EFHC2: variants seen among roughly 807,000 people sequenced by gnomAD.
The protein encoded by EFHC2 is EF-hand domain containing 2, also known as EF-hand domain-containing family member C2.
A neutral mutation model predicts 52.7 loss-of-function variants in EFHC2; 18 were observed. The ratio of observed to expected loss-of-function variants is 0.34; its 90% CI spans 0.24 to 0.51. EFHC2 has a LOEUF of 0.51. Among genes scored for constraint, EFHC2 ranks in the 20% least tolerant of loss-of-function variants. EFHC2 has a pLI of 0.97. For synonymous variants in EFHC2, 203 were observed against 204.1 expected, an observed-to-expected ratio of 0.99 and a Z score of 0.04; for missense variants, 513 against 562.5, an observed-to-expected ratio of 0.91 and a Z score of 0.89.
intron 14 of EFHC2, among the ~76,000 whole-genome samples, 163 bp from the exon 15 acceptor site, chrX:44,149,059 T>C (rs941163974): frequency 8.9e-6 from 1 of 112,293 alleles, no homozygotes; most frequent in Non-Finnish European, 1.9e-5. Context: ...CTTCATTCCC[T>C]CCCTGTATAA....
intron 7 of EFHC2, among the ~76,000 whole-genome samples, chrX:44,244,165 CA>C (rs2037381952): frequency 8.9e-6 from 1 of 112,021 alleles, no homozygotes; most frequent in African/African-American, 3.2e-5. Context: ...ATTTAAGTAA[CA>C]AAAGAACCAA....
intron 1 of EFHC2, among the ~76,000 whole-genome samples, chrX:44,314,189 A>G (rs990839507): frequency 8.9e-6 from 1 of 112,137 alleles, no homozygotes; most frequent in South Asian, 3.7e-4. Context: ...TGCATAAAAA[A>G]TAAATACCTC....
At position 44,198,745 on chromosome X, in the gene EFHC2, A is replaced by G. The variant is rs192118498; in HGVS notation, c.1752-20181T>C. On this transcript the variant is annotated intron_variant, in intron 11 of 14. Coordinates refer to ENST00000420999, the MANE Select transcript of EFHC2 (RefSeq NM_025184.4). ...AACCCTTTAGCAGGTAAGAGCTTAG[A>G]TTTTTTAACACTCACCAGGGCACAA... 2.2e-4 allele frequency among the ~76,000 whole-genome samples: 24 copies of G among 111,122 alleles called. No individual in the cohort carries two copies. In the East Asian group the frequency reaches 6.8e-3, roughly 32 times the overall value.
At chrX:44,314,076 C>T (rs911813197) in intron 1 of EFHC2, among the ~76,000 whole-genome samples, 3 of 111,989 alleles carry the variant, frequency 2.7e-5, no homozygotes, top group Admixed American at 1.9e-4. Flanking sequence ...TCGAAAAATA[C>T]GGTAATATTT....
rs1426228221 is a variant in EFHC2, at chrX:44,310,062, C to A, written c.231+2506G>T. 52 of 773,975 alleles carry A rather than the reference C, an allele frequency of 6.7e-5. No homozygotes were observed. The East Asian group carries it at 1.6e-3, about 23-fold the overall frequency. 63.8% of individuals were successfully genotyped at this position (773,975 alleles called of 1,213,427 possible). ...CTCCACCAAATTTTCATTTATTATG[C>A]CATCACTTGCTGCAAAGAAAACCAG... On this transcript the variant is annotated intron_variant, in intron 2 of 14. Transcript: ENST00000420999.
intron 4 of EFHC2, among the ~76,000 whole-genome samples, chrX:44,258,003 T>G (rs1186234756): frequency 9.0e-6 from 1 of 111,660 alleles, no homozygotes; most frequent in Admixed American, 9.5e-5. Flanking sequence ...CAACTGATCT[T>G]TGACAAACCT....
chrX:44,304,487 T>G (rs961488084), intron 2 of EFHC2, among the ~76,000 whole-genome samples: 3 of 111,763 alleles, frequency 2.7e-5, no homozygotes, highest in African/African-American at 9.8e-5. Context: ...TGATTCTTCA[T>G]TTATATGATG....
chrX:44,243,353 T>C (rs888849680), intron 7 of EFHC2, among the ~76,000 whole-genome samples: 1 of 112,338 alleles, frequency 8.9e-6, no homozygotes, highest in Non-Finnish European at 1.9e-5. Flanking sequence ...TGAAAGGAGT[T>C]CTACATAAGC....
At chrX:44,170,121 T>G (rs1022324234) in intron 13 of EFHC2, among the ~76,000 whole-genome samples, 7 of 111,483 alleles carry the variant, frequency 6.3e-5, no homozygotes, top group African/African-American at 2.3e-4. Context: ...AAGAAAATTT[T>G]AAGGAGTGTA....
chrX:44,187,715 A>G, intron 11 of EFHC2, among the ~76,000 whole-genome samples: 1 of 111,115 alleles, frequency 9.0e-6, no homozygotes. Flanking sequence ...GCTTGAGTCC[A>G]GGAGTTTGAG....
intron 11 of EFHC2, among the ~76,000 whole-genome samples, chrX:44,211,866 CAAAAAAA>C (rs1164155147): frequency 2.0e-5 from 1 of 50,444 alleles, no homozygotes; most frequent in African/African-American, 6.8e-5. Flanking sequence ...GACTCCCTCT[CAAAAAAA>C]AAAAAAAAAA....
At chrX:44,250,086 A>ATGGTTTTTAG in intron 5 of EFHC2, 108 bp downstream of exon 5, 1 of 946,335 alleles carries the variant, frequency 1.1e-6, no homozygotes, top group Non-Finnish European at 1.4e-6. Context: ...AAATACCTGC[A>ATGGTTTTTAG]CTAGTGCATG....
intron 7 of EFHC2, among the ~76,000 whole-genome samples, chrX:44,247,640 G>A (rs2037410522): frequency 1.8e-5 from 2 of 111,094 alleles, no homozygotes; most frequent in African/African-American, 6.6e-5. Context: ...CTCATAACAC[G>A]GTGTCACTCG....
intron 2 of EFHC2, among the ~76,000 whole-genome samples, chrX:44,292,975 C>CT (rs370747140): frequency 0.014 from 1,316 of 94,148 alleles, 24 homozygotes; most frequent in African/African-American, 0.037. Flanking sequence ...TCCTTTCTTT[C>CT]TTTTTTTTTT....
At position 44,296,178 on chromosome X, in the gene EFHC2, G is replaced by A. The variant is rs1035039479; in HGVS notation, c.231+16390C>T. Among the ~76,000 whole-genome samples the A allele has an allele frequency of 3.6e-5, 4 of 111,237 alleles. No homozygotes were observed. The Admixed American group carries it at 3.8e-4, about 11-fold the overall frequency. ...GGATGGAGGTGGAGAAAAGTGGAGT[G>A]AGCAAAGACAAATTTTTGTTTAGCA... On this transcript the variant is annotated intron_variant, in intron 2 of 14. Coordinates refer to ENST00000420999, the MANE Select transcript of EFHC2 (RefSeq NM_025184.4).
chrX:44,148,793 G>A lies in EFHC2; in HGVS notation c.*2C>T, dbSNP rs1050875891. The A allele has an allele frequency of 5.1e-6, 6 of 1,171,581 alleles. No homozygotes were observed. The African/African-American group carries it at 1.1e-4, about 21-fold the overall frequency. On this transcript the variant is annotated 3_prime_UTR_variant, in exon 15 of 15. Coordinates refer to ENST00000420999, the MANE Select transcript of EFHC2 (RefSeq NM_025184.4). The stretch of plus-strand genomic sequence containing the variant: ...ATAGAGAATTGACCAAAACTGGCAT[G>A]GTTATTCCTCCTCTAAGCCAAACGC...
intron 2 of EFHC2, among the ~76,000 whole-genome samples, chrX:44,301,103 CTA>C (rs2037865433): frequency 1.1e-5 from 1 of 91,264 alleles, no homozygotes; most frequent in African/African-American, 4.1e-5. Flanking sequence ...GAGTGAGACT[CTA>C]TCTCAAAAAA....
intron 13 of EFHC2, among the ~76,000 whole-genome samples, chrX:44,168,083 T>C (rs1008637809): frequency 2.7e-5 from 3 of 111,567 alleles, no homozygotes; most frequent in African/African-American, 9.8e-5. Context: ...GAAGAGAAGC[T>C]GAACCCTAAA....
intron 11 of EFHC2, among the ~76,000 whole-genome samples, chrX:44,183,802 G>T (rs1039452085): frequency 1.8e-5 from 2 of 111,564 alleles, no homozygotes; most frequent in South Asian, 3.8e-4. Flanking sequence ...CAGAAAAGGA[G>T]AAAAAAGGGG....
Sources: allele counts gnomAD v4.1 joint callset (sites outside exome capture counted in the v4.1 genomes callset), GRCh38; gene constraint gnomAD v4.1.1; transcripts MANE v1.5; gene names NCBI Gene and HGNC (gene_info 2026-07-23, HGNC 2026-07-21).